Variants in ARHGAP26 observed in about 807,000 individuals in gnomAD.
ARHGAP26 encodes rho GTPase-activating protein 26.
In ARHGAP26, 38 loss-of-function variants were observed where a neutral mutation model predicts 104.8. That is an observed-to-expected ratio of 0.36 (90% CI 0.28 to 0.48). The LOEUF (loss-of-function observed/expected upper bound fraction) is 0.48. Ranked by LOEUF, ARHGAP26 falls within the 20% of genes least tolerant of loss-of-function variation. The pLI, the probability that ARHGAP26 is intolerant of heterozygous loss-of-function variation, is 0.99. For synonymous variants in ARHGAP26, 341 were observed against 340.0 expected, an observed-to-expected ratio of 1.00 and a Z score of -0.03; for missense variants, 704 against 947.9, an observed-to-expected ratio of 0.74 and a Z score of 3.38.
At chr5:142,778,148 A>G (rs1561823025) in intron 1 of ARHGAP26, among the ~76,000 whole-genome samples, 2 of 152,224 alleles carry the variant, frequency 1.3e-5, no homozygotes, top group Non-Finnish European at 2.9e-5. Context: ...GAGAGAAAAG[A>G]AAGAAGTCTA....
intron 1 of ARHGAP26, among the ~76,000 whole-genome samples, chr5:142,838,924 T>C (rs1005011311): frequency 3.3e-5 from 5 of 152,208 alleles, no homozygotes; most frequent in South Asian, 2.1e-4. Flanking sequence ...TTATGGTCTT[T>C]TTATGCCATC....
At position 142,879,368 on chromosome 5, in the gene ARHGAP26, C is replaced by T. The variant is rs982210141; in HGVS notation, c.313-6C>T. The T allele has an allele frequency of 4.3e-6, 7 of 1,613,658 alleles. No individual in the cohort carries two copies. The African/African-American group carries it at 6.7e-5, about 15-fold the overall frequency. On this transcript the variant is annotated splice_polypyrimidine_tract_variant and splice_region_variant and intron_variant, in intron 3 of 22. Transcript: ENST00000645722. ...TTCTTTCCCTTACTCTGTTGTTCTT[C>T]ACCAGATTGAGAATGCCAGCGAGGT... is the stretch of plus-strand genomic sequence containing the variant.
intron 11 of ARHGAP26, among the ~76,000 whole-genome samples, chr5:142,998,303 A>G (rs1454612276): frequency 1.3e-5 from 2 of 152,204 alleles, no homozygotes; most frequent in Non-Finnish European, 2.9e-5. Flanking sequence ...AGTAGGGCCA[A>G]GGAGAGGTGG....
intron 20 of ARHGAP26, among the ~76,000 whole-genome samples, chr5:143,188,583 G>A (rs1017845148): frequency 2.6e-5 from 4 of 152,154 alleles, no homozygotes; most frequent in African/African-American, 9.7e-5. Context: ...GACAATGTTG[G>A]AAGAAGGAAG....
In ARHGAP26 at chr5:143,225,949, C is replaced by G. The variant is rs1028565852; in HGVS notation, c.*3503C>G. The G allele has an allele frequency of 2.7e-5, 6 of 219,330 alleles. No individual in the cohort carries two copies. Among genetic ancestry groups the G allele is most frequent in the East Asian group, 1.3e-4 (2 of 14,970 alleles). The allele number at this position is 219,330 out of a possible 1,614,324, so 13.6% of individuals were successfully genotyped here. A position where few individuals can be genotyped will look rare whatever the true frequency, so the allele number is the denominator to read the frequency against. On this transcript the variant is annotated 3_prime_UTR_variant, in exon 23 of 23. Transcript: ENST00000645722. Reference sequence around the variant, plus strand: ...TGAAGACTAAAGATTTTACTCTCTCCCCTATCCATGCCCCCTACCTCTGAC... The same window carrying G: ...TGAAGACTAAAGATTTTACTCTCTCGCCTATCCATGCCCCCTACCTCTGAC...
chr5:143,220,886 C>T (rs887600165), intron 22 of ARHGAP26, among the ~76,000 whole-genome samples: 6 of 151,932 alleles, frequency 3.9e-5, no homozygotes, highest in East Asian at 1.9e-4. Context: ...TCTGTTCTTG[C>T]GTCTTTCCCT....
rs183391883 is a variant in ARHGAP26 at position 142,898,012 on chromosome 5, C to T, written c.597+3664C>T. On this transcript the variant is annotated intron_variant, in intron 6 of 22. Transcript: ENST00000645722. The stretch of plus-strand genomic sequence containing the variant: ...GTAAGGGACCTCTATGCAAATCGAC[C>T]GTGTTCATTTGTTTCTTGAAAGTAA... Among the ~76,000 whole-genome samples the T allele has an allele frequency of 4.6e-5, 7 of 152,160 alleles. No homozygotes were observed. In the South Asian group the frequency reaches 6.2e-4, roughly 14 times the overall value.
chr5:143,171,083 T>C (rs779376100), intron 20 of ARHGAP26, among the ~76,000 whole-genome samples: 2 of 152,038 alleles, frequency 1.3e-5, no homozygotes, highest in Non-Finnish European at 2.9e-5. Context: ...GGACAGAGAA[T>C]ATAAAGGATA....
chr5:143,176,433 G>A (rs1051353863), intron 20 of ARHGAP26, among the ~76,000 whole-genome samples: 6 of 152,176 alleles, frequency 3.9e-5, no homozygotes, highest in Admixed American at 3.3e-4. Context: ...AACCCTTTGG[G>A]CAGAATAGTG....
intron 11 of ARHGAP26, among the ~76,000 whole-genome samples, chr5:143,002,375 C>A (rs1342073384): frequency 8.2e-6 from 1 of 122,064 alleles, no homozygotes; most frequent in Non-Finnish European, 1.7e-5. Flanking sequence ...TCCAAAAACA[C>A]TGGGTTGGGG....
At chr5:142,933,885 T>G (rs1045817165) in intron 11 of ARHGAP26, among the ~76,000 whole-genome samples, 1 of 152,224 alleles carries the variant, frequency 6.6e-6, no homozygotes, top group Non-Finnish European at 1.5e-5. Flanking sequence ...CTAGACATAT[T>G]TGGTTTTCAT....
intron 11 of ARHGAP26, among the ~76,000 whole-genome samples, chr5:142,968,224 T>C (rs141862779): frequency 1.4e-3 from 214 of 152,324 alleles, no homozygotes; most frequent in African/African-American, 4.7e-3. Context: ...AGAGATTAAG[T>C]ATTTTACCTA....
At chr5:143,200,608 G>A (rs900323412) in intron 20 of ARHGAP26, among the ~76,000 whole-genome samples, 3 of 152,002 alleles carry the variant, frequency 2.0e-5, no homozygotes, top group South Asian at 2.1e-4. Context: ...AAAAAAAAGC[G>A]AGGAGAAATA....
At chr5:143,196,629 C>G (rs1806876558) in intron 20 of ARHGAP26, among the ~76,000 whole-genome samples, 1 of 152,302 alleles carries the variant, frequency 6.6e-6, no homozygotes, top group South Asian at 2.1e-4. Context: ...AGGCACATTA[C>G]AACCTTCTTG....
Position 143,077,627 on chromosome 5 carries a change from C to T in ARHGAP26, c.1538+19880C>T, listed in dbSNP as rs148529611. ...AGGGCTCCTGGCTTAAGCAGGTCACCGTGGCTATGGGGTGCCACCATTTCT... is the reference window on the plus strand; with the variant it reads ...AGGGCTCCTGGCTTAAGCAGGTCACTGTGGCTATGGGGTGCCACCATTTCT... On this transcript the variant is annotated intron_variant, in intron 17 of 22. Transcript: ENST00000645722. 9.2e-5 allele frequency among the ~76,000 whole-genome samples: 14 copies of T among 152,310 alleles called. No homozygotes were observed. In the East Asian group the frequency reaches 2.1e-3, roughly 23 times the overall value.
At chr5:143,190,558 A>C (rs1805792073) in intron 20 of ARHGAP26, among the ~76,000 whole-genome samples, 1 of 138,814 alleles carries the variant, frequency 7.2e-6, no homozygotes, top group Admixed American at 6.8e-5. Context: ...AAATAAAGAT[A>C]TTCCCAGACA....
chr5:142,803,110 G>C (rs1220749373), intron 1 of ARHGAP26, among the ~76,000 whole-genome samples: 2 of 152,098 alleles, frequency 1.3e-5, no homozygotes, highest in African/African-American at 4.8e-5. Context: ...TGAAAGAATG[G>C]TTAATTGAAC....
At chr5:143,206,169 G>T (rs558257291) in intron 20 of ARHGAP26, among the ~76,000 whole-genome samples, 1 of 152,320 alleles carries the variant, frequency 6.6e-6, no homozygotes, top group South Asian at 2.1e-4. Context: ...TGTTCCCCTT[G>T]AACCGGATTT....
At chr5:142,908,014 C>T (rs528182803) in intron 9 of ARHGAP26, among the ~76,000 whole-genome samples, 5 of 152,246 alleles carry the variant, frequency 3.3e-5, no homozygotes, top group Admixed American at 6.5e-5. Flanking sequence ...CTCTAACTTA[C>T]GTTAGGAACT....
Sources: allele counts gnomAD v4.1 joint callset (sites outside exome capture counted in the v4.1 genomes callset), GRCh38; gene constraint gnomAD v4.1.1; transcripts MANE v1.5; gene names NCBI Gene and HGNC (gene_info 2026-07-23, HGNC 2026-07-21).